TCF3: variants seen among roughly 807,000 people sequenced by gnomAD.
The protein encoded by TCF3 is transcription factor 3, also known as transcription factor E2-alpha.
TCF3 carries 54 observed loss-of-function variants against 72.3 expected under a neutral mutation model. That is an observed-to-expected ratio of 0.75 (90% CI 0.60 to 0.94). TCF3 has a LOEUF of 0.94. TCF3 is among the 40% of genes least tolerant of loss of function. The pLI is 0.00. For synonymous variants in TCF3, 525 were observed against 412.6 expected, an observed-to-expected ratio of 1.27 and a Z score of -3.30; for missense variants, 1,078 against 934.4, an observed-to-expected ratio of 1.15 and a Z score of -2.00.
chr19:1,647,983 T>C (rs1197597073), intron 2 of TCF3, among the ~76,000 whole-genome samples: 1 of 151,864 alleles, frequency 6.6e-6, no homozygotes, highest in African/African-American at 2.4e-5. Context: ...AGGGACTCGC[T>C]CCCCCTTCAT....
intron 5 of TCF3, 87 bp from the exon 6 acceptor site, chr19:1,627,513 G>T: frequency 8.1e-7 from 1 of 1,236,796 alleles, no homozygotes; most frequent in Non-Finnish European, 1.2e-6. Flanking sequence ...CCTACAATAG[G>T]CTCTCAGTAA....
intron 18 of TCF3, chr19:1,612,422 T>C (rs1381834731): frequency 1.9e-6 from 3 of 1,606,964 alleles, no homozygotes; most frequent in Non-Finnish European, 1.7e-6. Context: ...GGACAGCACC[T>C]CGTCCGTACT....
intron 5 of TCF3, 144 bp downstream of exon 5, chr19:1,631,894 C>T: frequency 6.5e-7 from 1 of 1,528,370 alleles, no homozygotes; most frequent in Non-Finnish European, 8.8e-7. Flanking sequence ...CAGCTGCTCC[C>T]AGGACGGGCA....
intron 3 of TCF3, among the ~76,000 whole-genome samples, chr19:1,636,021 G>A (rs915317205): frequency 2.0e-5 from 3 of 152,134 alleles, no homozygotes; most frequent in Admixed American, 1.3e-4. Context: ...CTGTCCCACC[G>A]CCCTGCCTGG....
In TCF3 at chr19:1,622,081, A is replaced by G; in HGVS notation, c.795T>C (p.Phe265=). Residue 265 remains phenylalanine, a synonymous_variant, in exon 10 of 19, where the codon TTT becomes TTC. Coordinates refer to ENST00000262965, the MANE Select transcript of TCF3 (RefSeq NM_003200.5). ...PVGSSGSSST[F]GGLHQHERMG... ...TACGCTCGTGCTGGTGCAGGCCACC[A>G]AACGTGCTGCTGCTTCCACTGCTGC... is the stretch of plus-strand genomic sequence containing the variant. 6.2e-7 allele frequency: 1 copy of G among 1,604,368 alleles called. No homozygotes were observed. Among genetic ancestry groups the G allele is most frequent in the Non-Finnish European group, 8.5e-7 (1 of 1,177,236 alleles).
chr19:1,622,915 G>A (rs2062423353), intron 8 of TCF3, among the ~76,000 whole-genome samples: 1 of 152,204 alleles, frequency 6.6e-6, no homozygotes, highest in African/African-American at 2.4e-5. Flanking sequence ...CCTGGACTGT[G>A]GGGCTGGGGC....
chr19:1,623,598 G>C (rs1241431350), intron 8 of TCF3, among the ~76,000 whole-genome samples: 1 of 152,088 alleles, frequency 6.6e-6, no homozygotes, highest in African/African-American at 2.4e-5. Flanking sequence ...TGACTAGGCT[G>C]ATCTAGAACT....
chr19:1,630,799 C>T (rs2063615422), intron 5 of TCF3, among the ~76,000 whole-genome samples: 1 of 152,142 alleles, frequency 6.6e-6, no homozygotes, highest in African/African-American at 2.4e-5. Context: ...GCCCCCCAAG[C>T]AGCGGGACCC....
rs80338425 is a variant in TCF3, at chr19:1,619,454, G to A, written c.1188C>T (p.His396=). The change falls in exon 15 of 19, where the codon CAC becomes CAT. Residue 396 remains histidine (H), a synonymous_variant. Coordinates refer to ENST00000262965, the MANE Select transcript of TCF3 (RefSeq NM_003200.5). ...GGAGCACGTGGATGGCCTCGTCCAG[G>A]TGGTCTTCTATCTTACTCTGCTGCA... The part of the protein sequence containing the change: ...LHGLQSKIED[H]LDEAIHVLRS... 6.9e-5 allele frequency: 110 copies of A among 1,586,366 alleles called. No individual in the cohort carries two copies. In the African/African-American group the frequency reaches 1.2e-3, roughly 17 times the overall value.
rs549959377 is a variant in TCF3 at position 1,630,962 on chromosome 19, G to A, written c.298+1076C>T. On this transcript the variant is annotated intron_variant, in intron 5 of 18. Transcript: ENST00000262965. ...GTCCCAGTCGCAGCCCCAGGTGCCTGGAGGAGGGCGTCCCAGTCAGCCCCA... is the reference window on the plus strand; with the variant it reads ...GTCCCAGTCGCAGCCCCAGGTGCCTAGAGGAGGGCGTCCCAGTCAGCCCCA... 1.4e-3 allele frequency among the ~76,000 whole-genome samples: 214 copies of A among 152,370 alleles called. 1 individual carries two copies. Among genetic ancestry groups the A allele is most frequent in the African/African-American group, 4.9e-3 (205 of 41,594 alleles).
chr19:1,633,726 G>A (rs2064021701), intron 3 of TCF3, among the ~76,000 whole-genome samples: 1 of 152,126 alleles, frequency 6.6e-6, no homozygotes, highest in Non-Finnish European at 1.5e-5. Context: ...CCAGGCAGGG[G>A]GCTCCTGTGG....
Position 1,619,764 on chromosome 19 carries a change from C to A in TCF3, c.1167+16G>T. On this transcript the variant is annotated intron_variant, in intron 14 of 18. Coordinates refer to ENST00000262965, the MANE Select transcript of TCF3 (RefSeq NM_003200.5). Reference sequence around the variant, plus strand: ...TCTGTCGGGGAAGGGTGGGGTGGGGCGGGGCAGGCACTCACCAGGCCGTGG... The same window carrying A: ...TCTGTCGGGGAAGGGTGGGGTGGGGAGGGGCAGGCACTCACCAGGCCGTGG... The A allele has an allele frequency of 1.5e-6, 1 of 678,980 alleles. No individual in the cohort carries two copies. The highest frequency in any genetic ancestry group is 2.2e-5 in the South Asian group (1 of 46,000). The allele number at this position is 678,980 out of a possible 1,614,324, so 42.1% of individuals were successfully genotyped here.
In TCF3 at chr19:1,621,873, T is replaced by TGGCTGGAGACGCCGCCGTAC; in HGVS notation, c.900_919dup (p.His307ArgfsTer94). 1 of 1,594,678 alleles carries TGGCTGGAGACGCCGCCGTAC rather than the reference T, an allele frequency of 6.3e-7. No homozygotes were observed. The highest frequency in any genetic ancestry group is 8.5e-7 in the Non-Finnish European group (1 of 1,172,396). On this transcript the variant is annotated frameshift_variant, in exon 11 of 19. Coordinates refer to ENST00000262965, the MANE Select transcript of TCF3 (RefSeq NM_003200.5). LOFTEE classifies it high-confidence loss of function. ...GTCGGCCCCGCTGACAGGCGGCGTGTGGCTGGAGACGCCGCCGTACGTGGC... is the reference window on the plus strand; with the variant it reads ...GTCGGCCCCGCTGACAGGCGGCGTGTGGCTGGAGACGCCGCCGTACGGCTGGAGACGCCGCCGTACGTGGC...
At chr19:1,629,886 C>T (rs79971728) in intron 5 of TCF3, among the ~76,000 whole-genome samples, 77 of 152,254 alleles carry the variant, frequency 5.1e-4, no homozygotes, top group African/African-American at 1.8e-3. Context: ...CTTGGTGACC[C>T]GGGGGGACAT....
chr19:1,649,753 G>C (rs993327547), intron 2 of TCF3, among the ~76,000 whole-genome samples: 1 of 152,078 alleles, frequency 6.6e-6, no homozygotes, highest in Non-Finnish European at 1.5e-5. Flanking sequence ...AGGGTCTCCA[G>C]GGTCTCACTG....
chr19:1,621,314 G>T (rs1599596784), intron 11 of TCF3, 123 bp from the exon 12 acceptor site: 1 of 1,237,104 alleles, frequency 8.1e-7, no homozygotes, highest in East Asian at 2.7e-5. Context: ...GCCTGACTCG[G>T]GTCCGGTTTC....
chr19:1,637,802 G>C (rs572181320), intron 3 of TCF3, among the ~76,000 whole-genome samples: 2 of 152,094 alleles, frequency 1.3e-5, no homozygotes, highest in African/African-American at 4.8e-5. Context: ...CCAGCTACTC[G>C]GGAGGCTGAG....
At chr19:1,623,778 G>C (rs956205878) in intron 8 of TCF3, among the ~76,000 whole-genome samples, 173 bp downstream of exon 8, 5 of 152,130 alleles carry the variant, frequency 3.3e-5, no homozygotes, top group Admixed American at 3.3e-4. Context: ...GGACTTCCCC[G>C]CCTTCCCTTG....
intron 5 of TCF3, among the ~76,000 whole-genome samples, chr19:1,630,179 G>A (rs1196742465): frequency 6.6e-6 from 1 of 152,174 alleles, no homozygotes; most frequent in East Asian, 1.9e-4. Context: ...GCCATCGGGG[G>A]TATGAGGAAG....
Sources: allele counts gnomAD v4.1 joint callset (sites outside exome capture counted in the v4.1 genomes callset), GRCh38; gene constraint gnomAD v4.1.1; transcripts MANE v1.5; gene names NCBI Gene and HGNC (gene_info 2026-07-23, HGNC 2026-07-21).